OR2M2: variants seen among roughly 807,000 people sequenced by gnomAD.
The protein encoded by OR2M2 is olfactory receptor 2M2.
For synonymous variants in OR2M2, 168 were observed against 151.7 expected (o/e 1.11, Z -0.79); for missense variants, 467 against 429.9 (o/e 1.09, Z -0.76).
chr1:248,179,880 C>T (rs968542421), intron 1 of OR2M2, 88 bp from the exon 2 acceptor site: 21 of 1,221,454 alleles, frequency 1.7e-5, no homozygotes, highest in Non-Finnish European at 2.3e-5. Context: ...GTATTGATCA[C>T]CCAACTACAG....
At position 248,181,061 on chromosome 1, in the gene OR2M2, A is replaced by G; in HGVS notation, c.*32A>G. ...TATGGGCACCTATACAATTTATTTC[A>G]GGTAAACCATTTTATATATTTATTT... is the stretch of plus-strand genomic sequence containing the variant. On this transcript the variant is annotated 3_prime_UTR_variant, in exon 2 of 2. Coordinates refer to ENST00000641836, the MANE Select transcript of OR2M2 (RefSeq NM_001004688.2). 1.5e-6 allele frequency: 2 copies of G among 1,371,830 alleles called. No homozygotes were observed. The highest frequency in any genetic ancestry group is 2.0e-6 in the Non-Finnish European group (2 of 996,326). 85.0% of individuals were successfully genotyped at this position (1,371,830 alleles called of 1,614,324 possible). A position where few individuals can be genotyped will look rare whatever the true frequency, so the allele number is the denominator to read the frequency against.
rs1197511167 is a variant in OR2M2, at chr1:248,181,067, A to G, written c.*38A>G. ...CACCTATACAATTTATTTCAGGTAA[A>G]CCATTTTATATATTTATTTTTGTAT... On this transcript the variant is annotated 3_prime_UTR_variant, in exon 2 of 2. Transcript: ENST00000641836. 7.7e-7 allele frequency: 1 copy of G among 1,303,724 alleles called. No individual in the cohort carries two copies. Among genetic ancestry groups the G allele is most frequent in the Non-Finnish European group, 1.1e-6 (1 of 937,968 alleles). The allele number at this position is 1,303,724 out of a possible 1,614,324, so 80.8% of individuals were successfully genotyped here. A position where few individuals can be genotyped will look rare whatever the true frequency, so the allele number is the denominator to read the frequency against.
At position 248,180,425 on chromosome 1, in the gene OR2M2, TCTC is replaced by T; in HGVS notation, c.443_445del (p.Ser148del). 6.2e-7 allele frequency: 1 copy of T among 1,613,970 alleles called. No individual in the cohort carries two copies. Among genetic ancestry groups the T allele is most frequent in the Non-Finnish European group, 8.5e-7 (1 of 1,179,938 alleles). On this transcript the variant is annotated inframe_deletion, in exon 2 of 2. Transcript: ENST00000641836. Reference sequence around the variant, plus strand: ...AAAATTTGTGGACTTATGGCTACCTTCTCCTGGATCCTGGGCTCTACAGATGGA... The same window carrying T: ...AAAATTTGTGGACTTATGGCTACCTTCTGGATCCTGGGCTCTACAGATGGA...
At chr1:248,174,954 C>T (rs567189824) in intron 1 of OR2M2, 83 bp downstream of exon 1, 3 of 152,234 alleles carry the variant, frequency 2.0e-5, no homozygotes, top group Admixed American at 2.0e-4. Context: ...GATTTCATTT[C>T]TTAAGTCATT....
intron 1 of OR2M2, among the ~76,000 whole-genome samples, chr1:248,178,368 A>C (rs1665878841): frequency 6.6e-6 from 1 of 152,158 alleles, no homozygotes; most frequent in Non-Finnish European, 1.5e-5. Context: ...TATTGCCCAT[A>C]ATAATCTCCC....
Position 248,180,450 on chromosome 1 carries a change from T to C in OR2M2, c.465T>C (p.Asp155=). ...ATFSWILGST[D]GIIDAVATFS... is the part of the protein sequence containing the mutation. ...TCTCCTGGATCCTGGGCTCTACAGATGGAATCATTGATGCTGTAGCCACAT... is the reference window on the plus strand; with the variant it reads ...TCTCCTGGATCCTGGGCTCTACAGACGGAATCATTGATGCTGTAGCCACAT... Residue 155 remains aspartate (D), a synonymous_variant, in exon 2 of 2, where the codon GAT becomes GAC. Transcript: ENST00000641836. The C allele has an allele frequency of 6.2e-7, 1 of 1,613,930 alleles. No individual in the cohort carries two copies. Among genetic ancestry groups the C allele is most frequent in the Middle Eastern group, 1.7e-4 (1 of 6,060 alleles).
At chr1:248,179,052 T>C (rs1002137522) in intron 1 of OR2M2, among the ~76,000 whole-genome samples, 1 of 152,212 alleles carries the variant, frequency 6.6e-6, no homozygotes. Context: ...TCAGCAGTGT[T>C]GGTTATTTCT....
chr1:248,179,855 A>G, intron 1 of OR2M2, 113 bp from the exon 2 acceptor site: 2 of 911,272 alleles, frequency 2.2e-6, no homozygotes, highest in South Asian at 3.5e-5. Context: ...TTAGTTTCCT[A>G]CTTCTATTCA....
intron 1 of OR2M2, among the ~76,000 whole-genome samples, chr1:248,178,421 C>T (rs189286453): frequency 4.9e-4 from 75 of 152,190 alleles, no homozygotes; most frequent in Non-Finnish European, 7.6e-4. Flanking sequence ...TTATCTCATA[C>T]GATAAAAACT....
intron 1 of OR2M2, among the ~76,000 whole-genome samples, chr1:248,179,183 A>G (rs1192628637): frequency 2.0e-5 from 3 of 152,020 alleles, no homozygotes; most frequent in Non-Finnish European, 4.4e-5. Flanking sequence ...CCCCTATCAC[A>G]TGGTATTCCC....
At chr1:248,176,571 T>C (rs1028179860) in intron 1 of OR2M2, among the ~76,000 whole-genome samples, 1 of 151,986 alleles carries the variant, frequency 6.6e-6, no homozygotes, top group Non-Finnish European at 1.5e-5. Flanking sequence ...TGAAAAAAAA[T>C]AAAAAACAAG....
rs1386542611 is a variant in OR2M2, at chr1:248,179,989, G to A, written c.4G>A (p.Ala2Thr). 2 of 1,610,374 alleles carry A rather than the reference G, an allele frequency of 1.2e-6. No individual in the cohort carries two copies. Among genetic ancestry groups the A allele is most frequent in the East Asian group, 2.2e-5 (1 of 44,870 alleles). Residue 2 changes from alanine to threonine, a missense_variant, in exon 2 of 2, where the codon GCA becomes ACA. By Grantham distance (58) the Ala-to-Thr change is moderately conservative. Transcript: ENST00000641836. ...CTAGGTAAAAAGCACATTCATCATGGCATGGGAGAATCAGACCTTCAACTC... is the reference window on the plus strand; with the variant it reads ...CTAGGTAAAAAGCACATTCATCATGACATGGGAGAATCAGACCTTCAACTC... M[A>T]WENQTFNSDF...
chr1:248,179,749 A>T (rs559127509), intron 1 of OR2M2, among the ~76,000 whole-genome samples: 2 of 152,192 alleles, frequency 1.3e-5, no homozygotes, highest in Non-Finnish European at 2.9e-5. Flanking sequence ...TTGAAAAAGG[A>T]TGCCCAGAAT....
intron 1 of OR2M2, among the ~76,000 whole-genome samples, chr1:248,179,691 G>A (rs1351847285): frequency 6.6e-6 from 1 of 152,044 alleles, no homozygotes; most frequent in East Asian, 1.9e-4. Context: ...ATTCTTTTTG[G>A]AAAACTCCGT....
At chr1:248,179,365 T>C (rs910367673) in intron 1 of OR2M2, among the ~76,000 whole-genome samples, 1 of 152,196 alleles carries the variant, frequency 6.6e-6, no homozygotes, top group Non-Finnish European at 1.5e-5. Context: ...ATTCAATCCA[T>C]AACACTGGGC....
intron 1 of OR2M2, among the ~76,000 whole-genome samples, chr1:248,177,298 G>A (rs3001306): frequency 0.22 from 33,603 of 151,932 alleles, 6,962 homozygotes; most frequent in African/African-American, 0.55. Context: ...TGTCTAAAAG[G>A]TAGAATAGAA....
intron 1 of OR2M2, among the ~76,000 whole-genome samples, chr1:248,178,329 A>G (rs1224294867): frequency 1.3e-5 from 2 of 152,096 alleles, no homozygotes; most frequent in South Asian, 2.1e-4. Flanking sequence ...CTCACTAGGC[A>G]TATCTTTCTG....
intron 1 of OR2M2, 102 bp from the exon 2 acceptor site, chr1:248,179,866 T>C: frequency 9.8e-7 from 1 of 1,022,196 alleles, no homozygotes; most frequent in Non-Finnish European, 1.5e-6. Flanking sequence ...CTTCTATTCA[T>C]GCTGTATTGA....
Position 248,180,047 on chromosome 1 carries a change from G to GC in OR2M2, c.65dup (p.Pro23ThrfsTer89), listed in dbSNP as rs34678055. On this transcript the variant is annotated frameshift_variant, in exon 2 of 2. Transcript: ENST00000641836. LOFTEE classifies it low-confidence loss of function (END_TRUNC). Reference sequence around the variant, plus strand: ...ATCCTCCTTGGAATCTTCAATCACAGCCCACCACACACGTTCCTCTTCTTT... The same window carrying GC: ...ATCCTCCTTGGAATCTTCAATCACAGCCCCACCACACACGTTCCTCTTCTTT... 213 of 1,613,852 alleles carry GC rather than the reference G, an allele frequency of 1.3e-4. No homozygotes were observed. In the African/African-American group the frequency reaches 2.5e-3, roughly 19 times the overall value.
Sources: gnomAD v4.1 joint callset for allele counts (sites outside exome capture counted in the v4.1 genomes callset) on GRCh38, gnomAD v4.1.1 for gene constraint, MANE v1.5 for transcripts, NCBI Gene and HGNC (gene_info 2026-07-23, HGNC 2026-07-21) for gene names.